The following ATF2 variants were observed in gnomAD, a reference collection of about 807,000 sequenced individuals.
The protein encoded by ATF2 is activating transcription factor 2, also known as cyclic AMP-dependent transcription factor ATF-2.
Under a neutral mutation model 60.6 loss-of-function variants are expected in ATF2, and 24 were observed. That is an observed-to-expected ratio of 0.40 (90% CI 0.29 to 0.56). ATF2 has a LOEUF of 0.56. Ranked by LOEUF, ATF2 falls within the 20% of genes least tolerant of loss-of-function variation. The pLI is 0.54. For synonymous variants in ATF2, 206 were observed against 215.4 expected, an observed-to-expected ratio of 0.96 and a Z score of 0.38; for missense variants, 433 against 607.7, an observed-to-expected ratio of 0.71 and a Z score of 3.02.
At chr2:175,133,690 A>C (rs939768168) in intron 3 of ATF2, among the ~76,000 whole-genome samples, 1 of 152,206 alleles carries the variant, frequency 6.6e-6, no homozygotes, top group Non-Finnish European at 1.5e-5. Context: ...TATACTAAAA[A>C]TTAAGTCACA....
intron 4 of ATF2, among the ~76,000 whole-genome samples, chr2:175,123,320 T>C (rs2105724071): frequency 6.6e-6 from 1 of 152,208 alleles, no homozygotes; most frequent in Non-Finnish European, 1.5e-5. Flanking sequence ...TCTTACATCC[T>C]ACACTAAAAG....
chr2:175,156,377 C>CAAAAAA, intron 1 of ATF2, among the ~76,000 whole-genome samples: 1 of 55,982 alleles, frequency 1.8e-5, no homozygotes, highest in Non-Finnish European at 3.7e-5. Context: ...TCTCAAAAAA[C>CAAAAAA]AAAAAAAAAA....
At chr2:175,161,181 T>G (rs1408509207) in intron 1 of ATF2, among the ~76,000 whole-genome samples, 1 of 152,160 alleles carries the variant, frequency 6.6e-6, no homozygotes, top group Non-Finnish European at 1.5e-5. Flanking sequence ...TATGAGACAT[T>G]CTCTCAAATG....
At chr2:175,143,827 C>T (rs1698761331) in intron 2 of ATF2, among the ~76,000 whole-genome samples, 1 of 152,098 alleles carries the variant, frequency 6.6e-6, no homozygotes, top group African/African-American at 2.4e-5. Context: ...AGGTCTTGCT[C>T]TGTCACCCAG....
intron 1 of ATF2, among the ~76,000 whole-genome samples, chr2:175,160,764 T>C (rs1420092931): frequency 6.6e-6 from 1 of 151,832 alleles, no homozygotes; most frequent in East Asian, 1.9e-4. Context: ...AAAAGAATAG[T>C]TGGGGTGGGG....
intron 5 of ATF2, among the ~76,000 whole-genome samples, chr2:175,121,098 G>T (rs982828149): frequency 2.0e-5 from 3 of 151,748 alleles, no homozygotes; most frequent in Non-Finnish European, 4.4e-5. Flanking sequence ...ACACAGCCTT[G>T]TAAGTCAGTT....
At chr2:175,134,977 C>T (rs931947202) in intron 3 of ATF2, among the ~76,000 whole-genome samples, 1 of 143,000 alleles carries the variant, frequency 7.0e-6, no homozygotes, top group African/African-American at 2.6e-5. Context: ...GCAATCCAGC[C>T]TGGGTGACAA....
chr2:175,120,735 C>T (rs967694696), intron 5 of ATF2, among the ~76,000 whole-genome samples: 4 of 151,138 alleles, frequency 2.6e-5, no homozygotes, highest in African/African-American at 9.7e-5. Flanking sequence ...ATAAAATATA[C>T]AAAAAAGTAG....
chr2:175,158,729 A>G (rs1268109943), intron 1 of ATF2, among the ~76,000 whole-genome samples: 3 of 152,050 alleles, frequency 2.0e-5, no homozygotes, highest in Non-Finnish European at 4.4e-5. Context: ...CTGGGATTGT[A>G]GGTGTGAGCC....
At chr2:175,155,089 A>G (rs573898660) in intron 1 of ATF2, among the ~76,000 whole-genome samples, 32 of 152,316 alleles carry the variant, frequency 2.1e-4, no homozygotes, top group Admixed American at 1.8e-3. Context: ...AAAGGTACAC[A>G]CTAAGGCTTT....
At chr2:175,119,607 G>A (rs188846784) in intron 5 of ATF2, among the ~76,000 whole-genome samples, 91 of 151,528 alleles carry the variant, frequency 6.0e-4, no homozygotes, top group Non-Finnish European at 9.0e-4. Context: ...TTACTAAAAG[G>A]ACTCTATTAT....
At chr2:175,128,215 A>C (rs1034491172) in intron 4 of ATF2, among the ~76,000 whole-genome samples, 5 of 152,194 alleles carry the variant, frequency 3.3e-5, no homozygotes, top group Admixed American at 6.5e-5. Flanking sequence ...ACTTAGCTTC[A>C]ACTGGCTGGG....
chr2:175,111,051 C>T (rs1305802872), intron 10 of ATF2, among the ~76,000 whole-genome samples: 3 of 152,080 alleles, frequency 2.0e-5, no homozygotes, highest in Non-Finnish European at 4.4e-5. Context: ...AGGAAAGTTA[C>T]AGTTGCTTAA....
Position 175,074,415 on chromosome 2 carries a change from C to CT in ATF2, c.*193dup. On this transcript the variant is annotated 3_prime_UTR_variant, in exon 14 of 14. Transcript: ENST00000264110. ...TATTTATAAAAAAAGCAAAATCAGTCTTTTTCCAGAGACTAAAAACCGTTT... is the reference window on the plus strand; with the variant it reads ...TATTTATAAAAAAAGCAAAATCAGTCTTTTTTCCAGAGACTAAAAACCGTTT... 2.0e-6 allele frequency: 1 copy of CT among 491,790 alleles called. No individual in the cohort carries two copies. Among genetic ancestry groups the CT allele is most frequent in the Middle Eastern group, 5.7e-4 (1 of 1,742 alleles). 30.5% of individuals were successfully genotyped at this position (491,790 alleles called of 1,614,324 possible).
rs368922907 is a variant in ATF2, at chr2:175,130,130, T to C, written c.102+8A>G. Reference sequence around the variant, plus strand: ...ATACAAAATAATTTAAAGTAATTTATATATTACCTGGCCACATCCAGGCGC... The same window carrying C: ...ATACAAAATAATTTAAAGTAATTTACATATTACCTGGCCACATCCAGGCGC... On this transcript the variant is annotated splice_region_variant and intron_variant, in intron 4 of 13. Transcript: ENST00000264110. The C allele has an allele frequency of 7.7e-6, 12 of 1,560,476 alleles. No individual in the cohort carries two copies. Among genetic ancestry groups the C allele is most frequent in the African/African-American group, 6.9e-5 (5 of 72,944 alleles).
intron 12 of ATF2, among the ~76,000 whole-genome samples, chr2:175,087,750 G>A (rs780541253): frequency 3.9e-5 from 6 of 152,086 alleles, no homozygotes; most frequent in Non-Finnish European, 5.9e-5. Flanking sequence ...GGTTATCGTG[G>A]AATGTAAAAC....
chr2:175,094,380 C>T (rs988072955), intron 11 of ATF2, among the ~76,000 whole-genome samples: 15 of 120,154 alleles, frequency 1.2e-4, no homozygotes, highest in African/African-American at 4.2e-4. Context: ...GGCAATACAG[C>T]GAGACTCAGT....
At chr2:175,132,841 T>C (rs1697832307) in intron 3 of ATF2, 1 of 152,198 alleles carries the variant, frequency 6.6e-6, no homozygotes, top group Non-Finnish European at 1.5e-5. Flanking sequence ...ATCCCAGCAC[T>C]CTGGGAGGCT....
At chr2:175,113,102 C>A (rs562742566) in intron 9 of ATF2, among the ~76,000 whole-genome samples, 1 of 152,082 alleles carries the variant, frequency 6.6e-6, no homozygotes, top group East Asian at 1.9e-4. Flanking sequence ...GGAAACTGTG[C>A]TAGATGTCTC....
Sources: allele counts gnomAD v4.1 joint callset (sites outside exome capture counted in the v4.1 genomes callset), GRCh38; gene constraint gnomAD v4.1.1; transcripts MANE v1.5; gene names NCBI Gene and HGNC (gene_info 2026-07-23, HGNC 2026-07-21).